The following TNKS variants were observed in gnomAD, a reference collection of about 807,000 sequenced individuals.
TNKS encodes the protein poly [ADP-ribose] polymerase tankyrase-1.
TNKS carries 72 observed loss-of-function variants against 135.8 expected under a neutral mutation model. That is an observed-to-expected ratio of 0.53 (90% CI 0.44 to 0.64). The LOEUF is 0.64. Ranked by LOEUF, TNKS falls within the 30% of genes least tolerant of loss-of-function variation. TNKS has a pLI of 0.00. For missense variants in TNKS, 1,769 were observed against 1,674.0 expected (o/e 1.06, Z -0.99); for synonymous variants, 849 against 649.3 (o/e 1.31, Z -4.68).
intron 2 of TNKS, among the ~76,000 whole-genome samples, chr8:9,588,530 C>T (rs781051483): frequency 1.8e-4 from 27 of 152,308 alleles, no homozygotes; most frequent in African/African-American, 3.6e-4. Flanking sequence ...CCCACCTCGG[C>T]GTTCCAAAGT....
chr8:9,594,779 C>T (rs547263000), intron 2 of TNKS, among the ~76,000 whole-genome samples: 1 of 152,114 alleles, frequency 6.6e-6, no homozygotes. Flanking sequence ...AAAGAATATC[C>T]TTTTCATTAC....
intron 5 of TNKS, among the ~76,000 whole-genome samples, chr8:9,682,899 C>T (rs899084430): frequency 2.0e-5 from 3 of 151,600 alleles, no homozygotes; most frequent in African/African-American, 7.3e-5. Context: ...TAAGAACGTA[C>T]CTCAAGCATT....
Position 9,556,260 on chromosome 8 carries a change from G to C in TNKS, c.321G>C (p.Ala107=). The part of the protein sequence containing the change: ...CTVAAAPVVP[A]VSTSSAAGVA... Reference sequence around the variant, plus strand: ...TCGCCGCCGCTCCCGTGGTCCCAGCGGTTTCTACTTCATCTGCCGCTGGGG... The same window carrying C: ...TCGCCGCCGCTCCCGTGGTCCCAGCCGTTTCTACTTCATCTGCCGCTGGGG... The change falls in exon 1 of 27, where the codon GCG becomes GCC. Residue 107 remains alanine (A), a synonymous_variant. Transcript: ENST00000310430. The C allele has an allele frequency of 3.7e-6, 6 of 1,614,256 alleles. No homozygotes were observed. Among genetic ancestry groups the C allele is most frequent in the Non-Finnish European group, 5.1e-6 (6 of 1,180,042 alleles).
At position 9,773,504 on chromosome 8, in the gene TNKS, C is replaced by G. The variant is rs1808057494; in HGVS notation, c.3898-3146C>G. On this transcript the variant is annotated intron_variant, in intron 26 of 26. Transcript: ENST00000310430. ...GGCATTAATGAGTGGTTTCAGTTCTCTTTACCATATGTTTTAAATATAAGT... is the reference window on the plus strand; with the variant it reads ...GGCATTAATGAGTGGTTTCAGTTCTGTTTACCATATGTTTTAAATATAAGT... Among the ~76,000 whole-genome samples the G allele has an allele frequency of 5.3e-5, 8 of 152,076 alleles. 1 individual carries two copies. Among genetic ancestry groups the G allele is most frequent in the Admixed American group, 5.2e-4 (8 of 15,270 alleles).
chr8:9,760,778 G>A (rs1807111308), intron 20 of TNKS, among the ~76,000 whole-genome samples: 1 of 152,096 alleles, frequency 6.6e-6, no homozygotes. Flanking sequence ...CATTTTACAA[G>A]GATGAATAAC....
chr8:9,707,463 C>T (rs1412633668), intron 8 of TNKS, among the ~76,000 whole-genome samples: 1 of 152,072 alleles, frequency 6.6e-6, no homozygotes, highest in South Asian at 2.1e-4. Context: ...CATTATTGAG[C>T]CCTCCCCATT....
intron 3 of TNKS, among the ~76,000 whole-genome samples, chr8:9,651,832 A>T (rs1190935287): frequency 6.6e-6 from 1 of 152,182 alleles, no homozygotes; most frequent in African/African-American, 2.4e-5. Context: ...AATATTTAAC[A>T]TACTGCTGAT....
At chr8:9,716,077 G>T (rs184762617) in intron 11 of TNKS, among the ~76,000 whole-genome samples, 1 of 152,074 alleles carries the variant, frequency 6.6e-6, no homozygotes, top group Admixed American at 6.5e-5. Flanking sequence ...TGTTAAATAC[G>T]TGAAACATGA....
chr8:9,580,573 A>G (rs1798127863), intron 2 of TNKS, among the ~76,000 whole-genome samples, 190 bp downstream of exon 2: 1 of 152,202 alleles, frequency 6.6e-6, no homozygotes, highest in Admixed American at 6.5e-5. Flanking sequence ...TCACAACATT[A>G]ACTTTCCAAA....
intron 3 of TNKS, chr8:9,670,266 G>A (rs1802215350): frequency 6.6e-6 from 1 of 152,184 alleles, no homozygotes. Context: ...TTTTGCATTA[G>A]AAAGTTGTTT....
chr8:9,731,045 A>T lies in TNKS; in HGVS notation c.2147+10A>T. 1 of 1,584,014 alleles carries T rather than the reference A, an allele frequency of 6.3e-7. No homozygotes were observed. Among genetic ancestry groups the T allele is most frequent in the Non-Finnish European group, 8.6e-7 (1 of 1,164,036 alleles). The stretch of plus-strand genomic sequence containing the variant: ...ATGCCAAAGACAAGGGGTACGTGTT[A>T]GAAGTTAGCTGTTTGGGAGTCATTC... On this transcript the variant is annotated intron_variant, in intron 14 of 26. Coordinates refer to ENST00000310430, the MANE Select transcript of TNKS (RefSeq NM_003747.3).
rs867887968 is a variant in TNKS at position 9,559,367 on chromosome 8, G to A, written c.673+2755G>A. Among the ~76,000 whole-genome samples the A allele has an allele frequency of 1.3e-4, 20 of 152,178 alleles. 1 individual carries two copies. The highest frequency in any genetic ancestry group is 4.6e-4 in the African/African-American group (19 of 41,504). On this transcript the variant is annotated intron_variant, in intron 1 of 26. Coordinates refer to ENST00000310430, the MANE Select transcript of TNKS (RefSeq NM_003747.3). ...AAGCTAGCCAAGCAAAGGTTGGAAG[G>A]GACGATGTTAACTAATGCTTTTATT... is the stretch of plus-strand genomic sequence containing the variant.
intron 3 of TNKS, among the ~76,000 whole-genome samples, chr8:9,649,287 T>A (rs867147682): frequency 4.6e-5 from 7 of 152,300 alleles, no homozygotes; most frequent in Middle Eastern, 3.4e-3. Flanking sequence ...CCGTTTGTGC[T>A]AAGCAAATAA....
intron 12 of TNKS, among the ~76,000 whole-genome samples, chr8:9,724,258 T>G (rs1452247503): frequency 6.6e-6 from 1 of 152,062 alleles, no homozygotes; most frequent in Non-Finnish European, 1.5e-5. Context: ...AAGCCCAGCT[T>G]GGGCAACATG....
intron 2 of TNKS, among the ~76,000 whole-genome samples, chr8:9,581,365 C>G (rs1798158678): frequency 6.6e-6 from 1 of 152,208 alleles, no homozygotes; most frequent in Non-Finnish European, 1.5e-5. Flanking sequence ...CATCCACTAA[C>G]ATGACCTTTG....
intron 2 of TNKS, among the ~76,000 whole-genome samples, chr8:9,599,288 A>G (rs936172004): frequency 1.3e-5 from 2 of 152,212 alleles, no homozygotes; most frequent in Non-Finnish European, 2.9e-5. Context: ...AAGACAGATG[A>G]AAAGATTCTC....
intron 5 of TNKS, among the ~76,000 whole-genome samples, chr8:9,704,327 A>G (rs1438824039): frequency 6.6e-6 from 1 of 152,220 alleles, no homozygotes; most frequent in Non-Finnish European, 1.5e-5. Flanking sequence ...AATGTTTCCA[A>G]TTATAGGAAA....
At position 9,556,459 on chromosome 8, in the gene TNKS, A is replaced by C; in HGVS notation, c.520A>C (p.Thr174Pro). The C allele has an allele frequency of 6.2e-7, 1 of 1,614,082 alleles. No individual in the cohort carries two copies. The highest frequency in any genetic ancestry group is 2.2e-5 in the East Asian group (1 of 44,870). Residue 174 changes from threonine (T) to proline (P), a missense_variant, in exon 1 of 27, where the codon ACA becomes CCA. Physicochemically the swap from Thr to Pro is conservative, Grantham distance 38. Coordinates refer to ENST00000310430, the MANE Select transcript of TNKS (RefSeq NM_003747.3). The part of the protein sequence containing the change: ...PLGPGAAGPG[T>P]GVPAVSGALR... Reference sequence around the variant, plus strand: ...GGGGCCTGGGGCAGCAGGACCTGGGACAGGGGTCCCAGCAGTGAGCGGGGC... The same window carrying C: ...GGGGCCTGGGGCAGCAGGACCTGGGCCAGGGGTCCCAGCAGTGAGCGGGGC...
chr8:9,657,889 T>A (rs374539629), intron 3 of TNKS, among the ~76,000 whole-genome samples: 3 of 91,792 alleles, frequency 3.3e-5, no homozygotes, highest in South Asian at 4.4e-4. Flanking sequence ...TCAGACGGGG[T>A]GGTTGCCAGG....
Sources: allele counts gnomAD v4.1 joint callset (sites outside exome capture counted in the v4.1 genomes callset), GRCh38; gene constraint gnomAD v4.1.1; transcripts MANE v1.5; gene names NCBI Gene and HGNC (gene_info 2026-07-23, HGNC 2026-07-21).